The following HMGB1 variants were observed in gnomAD, a reference collection of about 807,000 sequenced individuals.
HMGB1 encodes the protein high mobility group protein B1.
For synonymous variants in HMGB1, 81 were observed against 84.0 expected (o/e 0.96, Z 0.19); for missense variants, 79 against 253.5 (o/e 0.31, Z 4.67).
chr13:30,462,022 TTAAG>T (rs1886374549), intron 4 of HMGB1, among the ~76,000 whole-genome samples: 1 of 152,142 alleles, frequency 6.6e-6, no homozygotes, highest in Non-Finnish European at 1.5e-5. Flanking sequence ...AAGCTGAAAA[TTAAG>T]TATTTAATAT....
intron 1 of HMGB1, among the ~76,000 whole-genome samples, chr13:30,607,172 C>T (rs1414186402): frequency 1.3e-5 from 2 of 152,190 alleles, no homozygotes; most frequent in African/African-American, 4.8e-5. Context: ...GAAACCCTCA[C>T]TTGAATAAAT....
At chr13:30,558,201 C>G (rs1869773372) in intron 1 of HMGB1, among the ~76,000 whole-genome samples, 5 of 152,110 alleles carry the variant, frequency 3.3e-5, no homozygotes, top group Admixed American at 3.3e-4. Flanking sequence ...CTTGTCAATT[C>G]TAATTTGTGG....
intron 1 of HMGB1, among the ~76,000 whole-genome samples, chr13:30,544,660 C>T (rs1347246181): frequency 6.6e-6 from 1 of 152,206 alleles, no homozygotes; most frequent in African/African-American, 2.4e-5. Context: ...ATGCATCTTT[C>T]CCATCTGTTC....
chr13:30,538,715 CTTCTT>C (rs1566019284), intron 1 of HMGB1, among the ~76,000 whole-genome samples: 55 of 78,896 alleles, frequency 7.0e-4, no homozygotes, highest in African/African-American at 2.4e-3. Flanking sequence ...TTCTTTCTTT[CTTCTT>C]TTTCTTTCTT....
chr13:30,466,371 A>T (rs546560050), upstream of HMGB1, among the ~76,000 whole-genome samples: 9 of 149,830 alleles, frequency 6.0e-5, no homozygotes, highest in African/African-American at 2.2e-4. Flanking sequence ...ATGGCCCTTC[A>T]AAAGTGAGGG....
chr13:30,507,642 G>T (rs1047199376), intron 1 of HMGB1, among the ~76,000 whole-genome samples: 8 of 152,090 alleles, frequency 5.3e-5, no homozygotes, highest in African/African-American at 1.7e-4. Context: ...TCCAGTTCCG[G>T]GATACCATTC....
intron 1 of HMGB1, among the ~76,000 whole-genome samples, chr13:30,505,087 C>T (rs1168196093): frequency 6.6e-6 from 1 of 151,940 alleles, no homozygotes; most frequent in Non-Finnish European, 1.5e-5. Flanking sequence ...TCTCTTATCT[C>T]AGCTTCCCAA....
At chr13:30,615,130 C>G (rs373413459) in intron 1 of HMGB1, among the ~76,000 whole-genome samples, 6 of 152,274 alleles carry the variant, frequency 3.9e-5, no homozygotes, top group African/African-American at 1.4e-4. Context: ...CTGTGCATAC[C>G]TCTATCATTG....
chr13:30,613,029 G>A, intron 1 of HMGB1, among the ~76,000 whole-genome samples: 1 of 152,182 alleles, frequency 6.6e-6, no homozygotes, highest in Non-Finnish European at 1.5e-5. Flanking sequence ...TACCAGGTCA[G>A]CCACCTTGTT....
chr13:30,526,173 C>T (rs571786960), intron 1 of HMGB1, among the ~76,000 whole-genome samples: 14 of 152,298 alleles, frequency 9.2e-5, no homozygotes, highest in African/African-American at 3.4e-4. Context: ...TCTCACGCCT[C>T]AGTCTCCTGA....
intron 1 of HMGB1, among the ~76,000 whole-genome samples, chr13:30,525,596 A>C (rs1354037383): frequency 6.6e-6 from 1 of 152,242 alleles, no homozygotes; most frequent in Non-Finnish European, 1.5e-5. Flanking sequence ...CTTAAAAGCT[A>C]CTAAATGGCA....
chr13:30,480,279 C>T (rs563405333), intron 1 of HMGB1, among the ~76,000 whole-genome samples: 45 of 152,202 alleles, frequency 3.0e-4, no homozygotes, highest in African/African-American at 9.4e-4. Flanking sequence ...ATTCAGTCTA[C>T]GTTTCATTTA....
chr13:30,483,323 C>T (rs17074649), intron 1 of HMGB1, among the ~76,000 whole-genome samples: 4,500 of 151,334 alleles, frequency 0.03, 156 homozygotes, highest in African/African-American at 0.084. Flanking sequence ...CTCAGTTGCC[C>T]GGCCCAGAAA....
At chr13:30,491,305 C>T (rs1043531182) in intron 1 of HMGB1, among the ~76,000 whole-genome samples, 3 of 147,298 alleles carry the variant, frequency 2.0e-5, no homozygotes, top group Non-Finnish European at 4.4e-5. Context: ...GCTGAGATTA[C>T]AGGCGTGAGC....
chr13:30,524,705 AT>A (rs61081742), intron 1 of HMGB1, among the ~76,000 whole-genome samples: 98,391 of 140,180 alleles, frequency 0.7, 32,935 homozygotes, highest in Non-Finnish European at 0.77. Flanking sequence ...AAAATAAATA[AT>A]AATAATAATA....
At chr13:30,541,913 T>G (rs1868909614) in intron 1 of HMGB1, 1 of 152,606 alleles carries the variant, frequency 6.6e-6, no homozygotes, top group Non-Finnish European at 1.5e-5. Context: ...CTGAATGGCT[T>G]TGCTGGTAAT....
intron 1 of HMGB1, among the ~76,000 whole-genome samples, chr13:30,572,442 A>G (rs531734790): frequency 3.3e-4 from 51 of 152,354 alleles, no homozygotes; most frequent in African/African-American, 1.1e-3. Context: ...AAAATATCTA[A>G]TTAGGATTAT....
intron 1 of HMGB1, among the ~76,000 whole-genome samples, chr13:30,496,793 G>C (rs1477537521): frequency 6.6e-6 from 1 of 152,062 alleles, no homozygotes; most frequent in Non-Finnish European, 1.5e-5. Context: ...TGTGTTTTGG[G>C]ATTTTTTACT....
chr13:30,528,551 A>G (rs2137483096), intron 1 of HMGB1, among the ~76,000 whole-genome samples: 1 of 152,278 alleles, frequency 6.6e-6, no homozygotes, highest in Non-Finnish European at 1.5e-5. Flanking sequence ...AGTTATATAC[A>G]TATTTGCTTA....
Sources: allele counts gnomAD v4.1 joint callset (sites outside exome capture counted in the v4.1 genomes callset), GRCh38; gene constraint gnomAD v4.1.1; transcripts MANE v1.5; gene names NCBI Gene and HGNC (gene_info 2026-07-23, HGNC 2026-07-21).